The following DOP1B variants were observed in gnomAD, a reference collection of about 807,000 sequenced individuals.
DOP1B encodes the protein DOP1 leucine zipper like protein B.
DOP1B carries 174 observed loss-of-function variants against 233.5 expected under a neutral mutation model. The observed-to-expected ratio is 0.75, with a 90% CI of 0.66 to 0.85. The LOEUF is 0.85. Among genes scored for constraint, DOP1B ranks in the 40% least tolerant of loss-of-function variants. The probability of loss-of-function intolerance (pLI) is 0.00; values close to 1 mark genes in which losing one functional copy is unlikely to be tolerated. For synonymous variants in DOP1B, 1,190 were observed against 1,185.6 expected, an observed-to-expected ratio of 1.00 and a Z score of -0.08; for missense variants, 2,652 against 2,846.6, an observed-to-expected ratio of 0.93 and a Z score of 1.56.
chr21:36,183,129 C>T (rs952091744), intron 2 of DOP1B, among the ~76,000 whole-genome samples: 75 of 152,310 alleles, frequency 4.9e-4, no homozygotes, highest in African/African-American at 1.6e-3. Flanking sequence ...ACAATCCTCT[C>T]GCCTTCGCCT....
intron 8 of DOP1B, 113 bp downstream of exon 8, chr21:36,214,303 G>A: frequency 8.0e-7 from 1 of 1,242,546 alleles, no homozygotes; most frequent in Non-Finnish European, 1.1e-6. Flanking sequence ...CCTGGTTTGG[G>A]GAACTGCAGG....
intron 31 of DOP1B, among the ~76,000 whole-genome samples, chr21:36,280,883 T>G (rs1272436644): frequency 6.6e-6 from 1 of 151,960 alleles, no homozygotes; most frequent in Non-Finnish European, 1.5e-5. Flanking sequence ...GCGCCTGTAG[T>G]CCCAGCTACT....
chr21:36,220,731 C>T (rs2066614453), intron 10 of DOP1B, among the ~76,000 whole-genome samples: 1 of 149,432 alleles, frequency 6.7e-6, no homozygotes, highest in Non-Finnish European at 1.5e-5. Flanking sequence ...TCTCAAACTC[C>T]TGAGCTCAAG....
chr21:36,242,189 T>TTATTATTATTAC (rs2066900882), intron 18 of DOP1B, among the ~76,000 whole-genome samples: 1 of 150,340 alleles, frequency 6.7e-6, no homozygotes, highest in African/African-American at 2.4e-5. Context: ...ATTATTATTA[T>TTATTATTATTAC]TGAAGAAGAG....
chr21:36,169,021 T>C lies in DOP1B; in HGVS notation c.138+4150T>C, dbSNP rs538946579. On this transcript the variant is annotated intron_variant, in intron 2 of 36. Transcript: ENST00000691173. The stretch of plus-strand genomic sequence containing the variant: ...GGTCTTTCTCGAGTGGTCCCATGAA[T>C]GCTTTCTTCTCCTCCATGGTCTGGA... 39 of 827,650 alleles carry C rather than the reference T, an allele frequency of 4.7e-5. No homozygotes were observed. The African/African-American group carries it at 6.0e-4, about 13-fold the overall frequency. 51.3% of individuals were successfully genotyped at this position (827,650 alleles called of 1,614,324 possible).
chr21:36,231,282 A>T (rs1346415177), intron 14 of DOP1B, 148 bp downstream of exon 14: 1 of 1,056,610 alleles, frequency 9.5e-7, no homozygotes, highest in Non-Finnish European at 1.3e-6. Flanking sequence ...TTTGCCTTAC[A>T]CTTACCGATT....
intron 22 of DOP1B, among the ~76,000 whole-genome samples, chr21:36,252,765 C>T (rs1335124662): frequency 6.6e-6 from 1 of 152,172 alleles, no homozygotes; most frequent in East Asian, 1.9e-4. Flanking sequence ...CTGCCTCGGC[C>T]TCCCAAGGTG....
intron 27 of DOP1B, among the ~76,000 whole-genome samples, chr21:36,275,879 C>T (rs1441818423): frequency 6.6e-6 from 1 of 152,042 alleles, no homozygotes; most frequent in Non-Finnish European, 1.5e-5. Flanking sequence ...ATGACTGACC[C>T]TGGGTGTGGG....
In DOP1B at chr21:36,225,674, G is replaced by T. The variant is rs1250304567; in HGVS notation, c.1473+7G>T. The T allele has an allele frequency of 3.1e-6, 5 of 1,613,898 alleles. No individual in the cohort carries two copies. The highest frequency in any genetic ancestry group is 4.2e-6 in the Non-Finnish European group (5 of 1,179,962). ...GCTGGATGTCATTCCTTTGGTGAGT[G>T]CTGGGGAAGGGACATCTCAACGCCT... is the stretch of plus-strand genomic sequence containing the variant. On this transcript the variant is annotated splice_region_variant and intron_variant, in intron 12 of 36. Transcript: ENST00000691173.
In DOP1B at chr21:36,163,831, G is replaced by A. The variant is rs144861269; in HGVS notation, c.-26-877G>A. Reference sequence around the variant, plus strand: ...TCATCATGCCATCTGGGGCTGCAGGGGCTCTGTCGTTCCACTCAGCCATCG... The same window carrying A: ...TCATCATGCCATCTGGGGCTGCAGGAGCTCTGTCGTTCCACTCAGCCATCG... On this transcript the variant is annotated intron_variant, in intron 1 of 36. Coordinates refer to ENST00000691173, the MANE Select transcript of DOP1B (RefSeq NM_001320714.2). Among the ~76,000 whole-genome samples, 162 of 152,318 alleles carry A rather than the reference G, an allele frequency of 1.1e-3. 1 individual carries two copies. Among genetic ancestry groups the A allele is most frequent in the African/African-American group, 3.7e-3 (155 of 41,572 alleles).
In DOP1B at chr21:36,246,250, A is replaced by G. The variant is rs759716834; in HGVS notation, c.4270A>G (p.Ile1424Val). ...PEDSLFEESLINLGQDQIWSE... is the reference protein window; with the variant it reads ...PEDSLFEESLVNLGQDQIWSE... Reference sequence around the variant, plus strand: ...GGACAGCCTCTTTGAGGAGAGTCTCATTAACTTGGGTCAGGACCAGATCTG... The same window carrying G: ...GGACAGCCTCTTTGAGGAGAGTCTCGTTAACTTGGGTCAGGACCAGATCTG... The change falls in exon 19 of 37, where the codon ATT becomes GTT. Residue 1424 changes from isoleucine to valine, a missense_variant. Transcript: ENST00000691173. This position sits in a 1 kb window ranked among gnomAD's most constrained non-coding sequence, Gnocchi z 5.1. 1 of 1,613,892 alleles carries G rather than the reference A, an allele frequency of 6.2e-7. No homozygotes were observed. Among genetic ancestry groups the G allele is most frequent in the Non-Finnish European group, 8.5e-7 (1 of 1,180,038 alleles).
chr21:36,292,409 A>G (rs1315934167), intron 36 of DOP1B, among the ~76,000 whole-genome samples, 176 bp downstream of exon 36: 1 of 151,358 alleles, frequency 6.6e-6, no homozygotes, highest in Non-Finnish European at 1.5e-5. Context: ...GGAATGTGCC[A>G]CCACACCTGG....
At chr21:36,178,058 C>A (rs1209839320) in intron 2 of DOP1B, among the ~76,000 whole-genome samples, 2 of 152,208 alleles carry the variant, frequency 1.3e-5, no homozygotes. Flanking sequence ...AATTGTGTTT[C>A]TCCTTCTCCC....
chr21:36,200,493 C>A lies in DOP1B; in HGVS notation c.483C>A (p.Ile161=). Reference sequence around the variant, plus strand: ...CCGGCCTTGAAGAGGGCTCCGAGATCTCCGACAGGTGCGTGGGCGTCTTGT... The same window carrying A: ...CCGGCCTTGAAGAGGGCTCCGAGATATCCGACAGGTGCGTGGGCGTCTTGT... The part of the protein sequence containing the change: ...LLPGLEEGSE[I]SDRTDALLLR... The change falls in exon 4 of 37, where the codon ATC becomes ATA. Residue 161 remains isoleucine, a synonymous_variant. Transcript: ENST00000691173. 6.2e-7 allele frequency: 1 copy of A among 1,606,554 alleles called. No homozygotes were observed. Among genetic ancestry groups the A allele is most frequent in the Non-Finnish European group, 8.5e-7 (1 of 1,177,686 alleles).
In DOP1B at chr21:36,246,843, A is replaced by ATTATGTTATGTTATGTTATG. The variant is rs58401743; in HGVS notation, c.4697+201_4697+220dup. ...AACAAGCAACTAAATGTTCTGATCC[A>ATTATGTTATGTTATGTTATG]TTATGTTATGTTATGTTATGTTATG... On this transcript the variant is annotated intron_variant, in intron 19 of 36. Transcript: ENST00000691173. This position sits in a 1 kb window ranked among gnomAD's most constrained non-coding sequence, Gnocchi z 5.1. 1.7e-3 allele frequency among the ~76,000 whole-genome samples: 255 copies of ATTATGTTATGTTATGTTATG among 147,014 alleles called. 2 individuals are homozygous for ATTATGTTATGTTATGTTATG. The highest frequency in any genetic ancestry group is 4.6e-3 in the African/African-American group (183 of 39,400).
At position 36,208,620 on chromosome 21, in the gene DOP1B, C is replaced by T. The variant is rs751144781; in HGVS notation, c.492-95C>T. The T allele has an allele frequency of 7.8e-5, 105 of 1,350,126 alleles. No homozygotes were observed. The Middle Eastern group carries it at 1.1e-3, about 15-fold the overall frequency. The allele number at this position is 1,350,126 out of a possible 1,614,324, so 83.6% of individuals were successfully genotyped here. A position where few individuals can be genotyped will look rare whatever the true frequency, so the allele number is the denominator to read the frequency against. On this transcript the variant is annotated intron_variant, in intron 4 of 36. Transcript: ENST00000691173. The stretch of plus-strand genomic sequence containing the variant: ...TGGGGCTTCCCCAGCCAGGCGAATC[C>T]GCTGTGGTTCTTCATGCAGCATTCG...
chr21:36,280,789 G>T (rs2067406470), intron 31 of DOP1B, among the ~76,000 whole-genome samples: 1 of 151,470 alleles, frequency 6.6e-6, no homozygotes, highest in Non-Finnish European at 1.5e-5. Flanking sequence ...GGATCACAGG[G>T]TCAGGAGATC....
intron 2 of DOP1B, among the ~76,000 whole-genome samples, chr21:36,167,924 CTTTTCTTTTCTTTTTCTT>C (rs2065929487): frequency 1.9e-5 from 2 of 106,432 alleles, no homozygotes; most frequent in Non-Finnish European, 3.8e-5. Context: ...ATTTTCTTTT[CTTTTCTTTTCTTTTTCTT>C]TTTTTTTTTT....
chr21:36,190,220 G>C (rs1264959775), intron 2 of DOP1B, among the ~76,000 whole-genome samples: 2 of 151,648 alleles, frequency 1.3e-5, no homozygotes, highest in Non-Finnish European at 2.9e-5. Context: ...AGCCACTCAG[G>C]AGGCTGAGGC....
Sources: allele counts gnomAD v4.1 joint callset (sites outside exome capture counted in the v4.1 genomes callset), GRCh38; gene constraint gnomAD v4.1.1; non-coding constraint Gnocchi (gnomAD v3.1); transcripts MANE v1.5; gene names NCBI Gene and HGNC (gene_info 2026-07-23, HGNC 2026-07-21).